Variants in CSMD3 observed in about 807,000 individuals in gnomAD.
CSMD3 encodes the protein CUB and sushi domain-containing protein 3.
CSMD3 carries 177 observed loss-of-function variants against 435.2 expected under a neutral mutation model. The ratio of observed to expected loss-of-function variants is 0.41; its 90% CI spans 0.36 to 0.46. CSMD3 has a LOEUF of 0.46. Ranked by LOEUF, CSMD3 falls within the 20% of genes least tolerant of loss-of-function variation. CSMD3 has a pLI of 0.34. For synonymous variants in CSMD3, 1,656 were observed against 1,520.5 expected, an observed-to-expected ratio of 1.09 and a Z score of -2.07; for missense variants, 4,265 against 4,504.6, an observed-to-expected ratio of 0.95 and a Z score of 1.52.
intron 54 of CSMD3, 139 bp downstream of exon 54, chr8:112,295,694 C>T (rs1395860743): frequency 1.5e-6 from 1 of 687,192 alleles, no homozygotes; most frequent in African/African-American, 1.8e-5. Flanking sequence ...TTTTGCATAG[C>T]AGTATCAAAT....
intron 4 of CSMD3, among the ~76,000 whole-genome samples, chr8:113,112,283 T>C (rs776214753): frequency 2.0e-5 from 3 of 149,840 alleles, no homozygotes; most frequent in Admixed American, 6.7e-5. Flanking sequence ...ATACCAAGAA[T>C]TGACTACAAA....
At chr8:113,287,809 A>C (rs994130033) in intron 2 of CSMD3, among the ~76,000 whole-genome samples, 3 of 152,030 alleles carry the variant, frequency 2.0e-5, no homozygotes, top group Non-Finnish European at 2.9e-5. Context: ...AACTGAGCTT[A>C]TCACTGGTAT....
intron 12 of CSMD3, among the ~76,000 whole-genome samples, chr8:112,822,479 T>C (rs1206732492): frequency 6.6e-6 from 1 of 152,132 alleles, no homozygotes; most frequent in African/African-American, 2.4e-5. Context: ...ATAGGATTTT[T>C]TGTGACTTTT....
intron 4 of CSMD3, among the ~76,000 whole-genome samples, chr8:113,144,617 A>T (rs2091629139): frequency 6.6e-6 from 1 of 151,442 alleles, no homozygotes; most frequent in Non-Finnish European, 1.5e-5. Context: ...TATTTGAACT[A>T]CTCAGATCTG....
chr8:112,418,862 C>T (rs1056508283), intron 32 of CSMD3, among the ~76,000 whole-genome samples: 3 of 152,152 alleles, frequency 2.0e-5, no homozygotes, highest in Non-Finnish European at 4.4e-5. Flanking sequence ...GAAAATTTCA[C>T]ACCCAATGTC....
In CSMD3 at chr8:112,360,836, A is replaced by G. The variant is rs536253227; in HGVS notation, c.6137-8302T>C. ...GGGAAGAAAATAATGATATAATCAG[A>G]TAAGTCATATGCTGATGGCTTCATT... On this transcript the variant is annotated intron_variant, in intron 38 of 70. Coordinates refer to ENST00000297405, the MANE Select transcript of CSMD3 (RefSeq NM_198123.2). Among the ~76,000 whole-genome samples, 11 of 152,088 alleles carry G rather than the reference A, an allele frequency of 7.2e-5. No homozygotes were observed. The East Asian group carries it at 2.1e-3, about 29-fold the overall frequency.
At position 113,098,950 on chromosome 8, in the gene CSMD3, A is replaced by G. The variant is rs147462734; in HGVS notation, c.723T>C (p.Cys241=). ...PVPICRAEDA[C]GGTMRGSSGI... Reference sequence around the variant, plus strand: ...CACTGGATCCTCTCATTGTTCCTCCACAAGCATCTTCAGCTGTTAAAAATG... The same window carrying G: ...CACTGGATCCTCTCATTGTTCCTCCGCAAGCATCTTCAGCTGTTAAAAATG... The change falls in exon 5 of 71, where the codon TGT becomes TGC. Residue 241 remains cysteine, a synonymous_variant. Coordinates refer to ENST00000297405, the MANE Select transcript of CSMD3 (RefSeq NM_198123.2). The G allele has an allele frequency of 6.2e-7, 1 of 1,608,344 alleles. No individual in the cohort carries two copies. Among genetic ancestry groups the G allele is most frequent in the Non-Finnish European group, 8.5e-7 (1 of 1,175,056 alleles).
chr8:113,317,982 A>G (rs1223465317), intron 1 of CSMD3, among the ~76,000 whole-genome samples: 1 of 152,168 alleles, frequency 6.6e-6, no homozygotes, highest in Admixed American at 6.5e-5. Context: ...CATTCTCCTA[A>G]TGATAACTTC....
chr8:112,503,422 C>T (rs923870049), intron 30 of CSMD3, among the ~76,000 whole-genome samples: 4 of 152,180 alleles, frequency 2.6e-5, no homozygotes, highest in African/African-American at 9.6e-5. Flanking sequence ...TACGTTGTTC[C>T]CTTTATCACT....
chr8:112,933,167 G>T (rs913386721), intron 9 of CSMD3, among the ~76,000 whole-genome samples: 21 of 152,052 alleles, frequency 1.4e-4, no homozygotes, highest in African/African-American at 4.1e-4. Flanking sequence ...TCTAAGAATA[G>T]ATATGGTGCT....
At chr8:113,048,876 T>G (rs1366522801) in intron 5 of CSMD3, among the ~76,000 whole-genome samples, 1 of 152,170 alleles carries the variant, frequency 6.6e-6, no homozygotes, top group African/African-American at 2.4e-5. Context: ...AGTCTGAATA[T>G]TTTCTCTATC....
chr8:112,484,271 A>T (rs1390635467), intron 31 of CSMD3, among the ~76,000 whole-genome samples: 9 of 152,174 alleles, frequency 5.9e-5, no homozygotes, highest in African/African-American at 2.2e-4. Flanking sequence ...TAGGCAACAA[A>T]GCACATGAAT....
chr8:112,960,417 C>T (rs1423373894), intron 7 of CSMD3, among the ~76,000 whole-genome samples: 1 of 151,632 alleles, frequency 6.6e-6, no homozygotes, highest in African/African-American at 2.4e-5. Context: ...GAAAACAATA[C>T]ATCTTATAAA....
intron 2 of CSMD3, chr8:113,312,333 C>T (rs2132657635): frequency 6.6e-6 from 1 of 152,136 alleles, no homozygotes; most frequent in East Asian, 1.9e-4. Context: ...AAATACATAG[C>T]ACAGTGACAG....
At position 112,237,223 on chromosome 8, in the gene CSMD3, G is replaced by T; in HGVS notation, c.10594C>A (p.Leu3532Met). 6.2e-7 allele frequency: 1 copy of T among 1,613,604 alleles called. No individual in the cohort carries two copies. The highest frequency in any genetic ancestry group is 8.5e-7 in the Non-Finnish European group (1 of 1,179,658). Residue 3532 changes from leucine to methionine, a missense_variant, in exon 67 of 71, where the codon CTG becomes ATG. Leu to Met is a conservative substitution (Grantham distance 15, BLOSUM62 2). Around this residue, in one of 3 missense-constraint regions of CSMD3, gnomAD observed 3,255 missense variants for 3,380.2 expected, o/e 0.96. Coordinates refer to ENST00000297405, the MANE Select transcript of CSMD3 (RefSeq NM_198123.2). ...NASTGRVNAT[L>M]SNSNMELLLS... The stretch of plus-strand genomic sequence containing the variant: ...AGCAGCTCCATGTTGCTATTGCTCA[G>T]TGTTGCGTTAACTCTCCCAGTGGAA...
intron 13 of CSMD3, among the ~76,000 whole-genome samples, chr8:112,697,694 A>G (rs1329322673): frequency 6.6e-6 from 1 of 152,024 alleles, no homozygotes; most frequent in East Asian, 1.9e-4. Flanking sequence ...ATATGTAACA[A>G]ACGTTGTGCA....
intron 1 of CSMD3, among the ~76,000 whole-genome samples, chr8:113,423,953 G>A (rs2094621872): frequency 6.6e-6 from 1 of 151,762 alleles, no homozygotes; most frequent in African/African-American, 2.4e-5. Context: ...TCAAGATTTT[G>A]AGATTTAGTA....
intron 1 of CSMD3, among the ~76,000 whole-genome samples, chr8:113,400,762 G>A (rs1353696944): frequency 1.3e-5 from 2 of 151,820 alleles, no homozygotes; most frequent in Non-Finnish European, 3.0e-5. Context: ...ACATATTTAA[G>A]CGTGGTACAA....
intron 12 of CSMD3, among the ~76,000 whole-genome samples, chr8:112,808,442 AC>A (rs1169896727): frequency 1.3e-5 from 2 of 151,886 alleles, no homozygotes; most frequent in Non-Finnish European, 2.9e-5. Context: ...GCAGCCCCTT[AC>A]CCACCCCCAC....
Sources: allele counts gnomAD v4.1 joint callset (sites outside exome capture counted in the v4.1 genomes callset), GRCh38; gene constraint gnomAD v4.1.1; regional missense constraint gnomAD v4.1.1; transcripts MANE v1.5; gene names NCBI Gene and HGNC (gene_info 2026-07-23, HGNC 2026-07-21).